OXR1: variants seen among roughly 807,000 people sequenced by gnomAD.
OXR1 encodes the protein oxidation resistance protein 1.
Under a neutral mutation model 104.6 loss-of-function variants are expected in OXR1, and 41 were observed. The ratio of observed to expected loss-of-function variants is 0.39; its 90% CI spans 0.31 to 0.51. The LOEUF is 0.51. Among genes scored for constraint, OXR1 ranks in the 20% least tolerant of loss-of-function variants. The probability of loss-of-function intolerance (pLI) is 0.77; values close to 1 mark genes in which losing one functional copy is unlikely to be tolerated. For synonymous variants in OXR1, 348 were observed against 348.4 expected, an observed-to-expected ratio of 1.00 and a Z score of 0.01; for missense variants, 955 against 1,031.9, an observed-to-expected ratio of 0.93 and a Z score of 1.02.
At chr8:106,527,327 CT>C (rs1261154019) in intron 3 of OXR1, among the ~76,000 whole-genome samples, 1 of 152,100 alleles carries the variant, frequency 6.6e-6, no homozygotes, top group Non-Finnish European at 1.5e-5. Flanking sequence ...TGAAACAAGC[CT>C]CTTGTCTTGA....
At chr8:106,740,129 A>T in intron 13 of OXR1, 2 of 449,356 alleles carry the variant, frequency 4.5e-6, no homozygotes, top group Non-Finnish European at 7.8e-6. Context: ...GTTCAGGGTG[A>T]TTCTTTATTT....
intron 3 of OXR1, among the ~76,000 whole-genome samples, chr8:106,526,606 A>G (rs936059454): frequency 9.2e-5 from 14 of 152,192 alleles, no homozygotes; most frequent in South Asian, 2.1e-4. Flanking sequence ...GCAGTGGCGC[A>G]ATCTCGGCTC....
intron 2 of OXR1, among the ~76,000 whole-genome samples, chr8:106,405,041 G>A (rs560031469): frequency 6.6e-6 from 1 of 151,616 alleles, no homozygotes; most frequent in South Asian, 2.1e-4. Flanking sequence ...TATTTCTGTT[G>A]CCAGATCAAA....
At chr8:106,380,086 C>A (rs1433276390) in intron 2 of OXR1, among the ~76,000 whole-genome samples, 2 of 151,948 alleles carry the variant, frequency 1.3e-5, no homozygotes, top group African/African-American at 2.4e-5. Flanking sequence ...CGTTAGCAGT[C>A]ATTCCTTCTT....
At chr8:106,655,794 T>C (rs1825007962) in intron 3 of OXR1, among the ~76,000 whole-genome samples, 1 of 152,128 alleles carries the variant, frequency 6.6e-6, no homozygotes, top group African/African-American at 2.4e-5. Context: ...AAATCAAAGA[T>C]TGTAAGGCAT....
chr8:106,369,104 T>A (rs1299315217), intron 2 of OXR1, among the ~76,000 whole-genome samples: 2 of 152,250 alleles, frequency 1.3e-5, no homozygotes, highest in Non-Finnish European at 2.9e-5. Context: ...CTGACTGGCA[T>A]GAGATGGTAT....
intron 3 of OXR1, among the ~76,000 whole-genome samples, chr8:106,675,372 A>G (rs1211631530): frequency 2.0e-5 from 3 of 152,188 alleles, no homozygotes; most frequent in Admixed American, 1.3e-4. Flanking sequence ...ATAAAACACT[A>G]AACCCTGCAG....
Position 106,726,396 on chromosome 8 carries a change from T to G in OXR1, c.1957-11124T>G, listed in dbSNP as rs28924676. 6.5e-5 allele frequency: 48 copies of G among 734,148 alleles called. No individual in the cohort carries two copies. In the African/African-American group the frequency reaches 7.6e-4, roughly 12 times the overall value. The allele number at this position is 734,148 out of a possible 1,614,324, so 45.5% of individuals were successfully genotyped here. A position where few individuals can be genotyped will look rare whatever the true frequency, so the allele number is the denominator to read the frequency against. ...AAAAATTATACAATTTCTGAAAGTT[T>G]AAGCATAGAGGATATTTATAGAATA... On this transcript the variant is annotated intron_variant, in intron 11 of 16. Coordinates refer to ENST00000517566, the MANE Select transcript of OXR1 (RefSeq NM_001198533.2).
At chr8:106,341,826 C>T (rs1417219754) in intron 1 of OXR1, among the ~76,000 whole-genome samples, 3 of 151,724 alleles carry the variant, frequency 2.0e-5, no homozygotes, top group African/African-American at 7.3e-5. Context: ...AGGTTTTCTC[C>T]TCTTTTTCTG....
At chr8:106,689,556 A>G (rs1171370410) in intron 6 of OXR1, among the ~76,000 whole-genome samples, 1 of 151,940 alleles carries the variant, frequency 6.6e-6, no homozygotes, top group African/African-American at 2.4e-5. Context: ...ATGGAGCTTT[A>G]TTTATATTCT....
chr8:106,588,097 A>G (rs1400465803), intron 3 of OXR1, among the ~76,000 whole-genome samples: 1 of 151,520 alleles, frequency 6.6e-6, no homozygotes, highest in African/African-American at 2.4e-5. Context: ...GACTACAGGC[A>G]CCCGCCACCA....
At chr8:106,650,217 G>A (rs1023159173) in intron 3 of OXR1, among the ~76,000 whole-genome samples, 2 of 152,162 alleles carry the variant, frequency 1.3e-5, no homozygotes, top group East Asian at 3.9e-4. Context: ...CTTGCATGAT[G>A]TTATTAAATC....
intron 1 of OXR1, among the ~76,000 whole-genome samples, chr8:106,296,583 T>C (rs1026955625): frequency 6.6e-6 from 1 of 152,212 alleles, no homozygotes; most frequent in Non-Finnish European, 1.5e-5. Context: ...AGCCCCATAT[T>C]GAGTTCTGGT....
chr8:106,467,448 A>G (rs1821233254), intron 2 of OXR1, among the ~76,000 whole-genome samples: 1 of 151,732 alleles, frequency 6.6e-6, no homozygotes, highest in Non-Finnish European at 1.5e-5. Context: ...GACCACAAAG[A>G]GCTTTATTCC....
intron 2 of OXR1, among the ~76,000 whole-genome samples, chr8:106,363,894 G>C (rs1027732525): frequency 2.2e-4 from 33 of 152,046 alleles, no homozygotes; most frequent in African/African-American, 6.0e-4. Flanking sequence ...CAAGGCCCTG[G>C]AAGAAATAAC....
intron 2 of OXR1, chr8:106,447,926 C>G (rs970584645): frequency 6.5e-6 from 10 of 1,529,408 alleles, no homozygotes; most frequent in Admixed American, 5.9e-5. Context: ...GTGGAGCTAA[C>G]GAGACATCTA....
chr8:106,373,877 A>T lies in OXR1; in HGVS notation c.23+14241A>T, dbSNP rs556174253. On this transcript the variant is annotated intron_variant, in intron 2 of 16. Coordinates refer to ENST00000517566, the MANE Select transcript of OXR1 (RefSeq NM_001198533.2). ...ACTGTTGGGATTACAGGTGTGAGCCACTGCACCCAGCCCTGATGTCTTTTT... is the reference window on the plus strand; with the variant it reads ...ACTGTTGGGATTACAGGTGTGAGCCTCTGCACCCAGCCCTGATGTCTTTTT... 1.6e-4 allele frequency among the ~76,000 whole-genome samples: 25 copies of T among 152,338 alleles called. No homozygotes were observed. In the South Asian group the frequency reaches 3.7e-3, roughly 23 times the overall value.
In OXR1 at chr8:106,752,598, A is replaced by G. The variant is rs1835962930; in HGVS notation, c.*1657A>G. The G allele has an allele frequency of 6.6e-6, 1 of 152,454 alleles. No homozygotes were observed. The highest frequency in any genetic ancestry group is 6.6e-5 in the Admixed American group (1 of 15,264). The allele number at this position is 152,454 out of a possible 1,614,324, so 9.4% of individuals were successfully genotyped here. A position where few individuals can be genotyped will look rare whatever the true frequency, so the allele number is the denominator to read the frequency against. On this transcript the variant is annotated 3_prime_UTR_variant, in exon 17 of 17. Coordinates refer to ENST00000517566, the MANE Select transcript of OXR1 (RefSeq NM_001198533.2). ...CACAGCAGTATTATTGTCTTTGTGGAGTTGACTAATGATAATTTAAAAATC... is the reference window on the plus strand; with the variant it reads ...CACAGCAGTATTATTGTCTTTGTGGGGTTGACTAATGATAATTTAAAAATC...
At chr8:106,368,531 C>T (rs995682075) in intron 2 of OXR1, among the ~76,000 whole-genome samples, 5 of 151,680 alleles carry the variant, frequency 3.3e-5, no homozygotes, top group Non-Finnish European at 7.4e-5. Flanking sequence ...ATTGACTTGT[C>T]CTCTAAGACC....
Sources: allele counts gnomAD v4.1 joint callset (sites outside exome capture counted in the v4.1 genomes callset), GRCh38; gene constraint gnomAD v4.1.1; transcripts MANE v1.5; gene names NCBI Gene and HGNC (gene_info 2026-07-23, HGNC 2026-07-21).